TADA2A: variants seen among roughly 807,000 people sequenced by gnomAD.
TADA2A encodes transcriptional adaptor 2A.
In TADA2A, 38 loss-of-function variants were observed where a neutral mutation model predicts 67.4. That is an observed-to-expected ratio of 0.56 (90% confidence interval 0.44 to 0.74). The LOEUF is 0.74. TADA2A is among the 30% of genes least tolerant of loss of function. The pLI is 0.00. For missense variants in TADA2A, 454 were observed against 547.0 expected (o/e 0.83, Z 1.70); for synonymous variants, 192 against 181.6 (o/e 1.06, Z -0.46).
At chr17:37,415,901 A>C (rs989571669) in intron 2 of TADA2A, among the ~76,000 whole-genome samples, 2 of 149,620 alleles carry the variant, frequency 1.3e-5, no homozygotes, top group African/African-American at 4.9e-5. Context: ...AAGTGTCTAT[A>C]TTCCCACAGC....
At chr17:37,429,285 A>AG (rs1434989144) in intron 4 of TADA2A, among the ~76,000 whole-genome samples, 1 of 152,090 alleles carries the variant, frequency 6.6e-6, no homozygotes, top group Non-Finnish European at 1.5e-5. Context: ...TGGGCCTATC[A>AG]GGGTAATCCA....
At chr17:37,415,144 A>T (rs922006249) in intron 2 of TADA2A, among the ~76,000 whole-genome samples, 2 of 152,118 alleles carry the variant, frequency 1.3e-5, no homozygotes, top group Non-Finnish European at 1.5e-5. Context: ...GGCCTCCCAA[A>T]GTACTGGGAT....
At chr17:37,459,014 G>A (rs572611284) in intron 9 of TADA2A, among the ~76,000 whole-genome samples, 2 of 152,050 alleles carry the variant, frequency 1.3e-5, no homozygotes, top group Non-Finnish European at 2.9e-5. Flanking sequence ...GTCCATGAGA[G>A]AATGCTCCAC....
At chr17:37,450,119 C>T (rs762769450) in intron 8 of TADA2A, among the ~76,000 whole-genome samples, 2 of 152,172 alleles carry the variant, frequency 1.3e-5, no homozygotes, top group African/African-American at 2.4e-5. Flanking sequence ...AAAAAGTTTA[C>T]GAATTTGTAT....
At chr17:37,439,038 A>G (rs934644229) in intron 5 of TADA2A, among the ~76,000 whole-genome samples, 1 of 152,172 alleles carries the variant, frequency 6.6e-6, no homozygotes, top group African/African-American at 2.4e-5. Context: ...GTCAAGTGAA[A>G]TGCTGTGAAA....
intron 5 of TADA2A, among the ~76,000 whole-genome samples, chr17:37,438,918 C>G (rs2052813492): frequency 6.6e-6 from 1 of 152,136 alleles, no homozygotes; most frequent in African/African-American, 2.4e-5. Context: ...TGGGCTAGAG[C>G]TAAGAATTAT....
Position 37,419,086 on chromosome 17 carries a change from T to G in TADA2A, c.26-4423T>G, listed in dbSNP as rs1000291215. Among the ~76,000 whole-genome samples the G allele has an allele frequency of 8.9e-5, 13 of 146,636 alleles. 2 individuals are homozygous for G. The highest frequency in any genetic ancestry group is 2.8e-4 in the Admixed American group (4 of 14,490). ...ATATAGAAGAAAGGTTGGAAAAATA[T>G]TTTTCAAAATGCTAATTGTGGATGA... On this transcript the variant is annotated intron_variant, in intron 2 of 15. Transcript: ENST00000615182.
chr17:37,454,407 G>C (rs1394375015), intron 8 of TADA2A: 1 of 149,784 alleles, frequency 6.7e-6, no homozygotes, highest in Non-Finnish European at 1.5e-5. Flanking sequence ...GCAATTCTCT[G>C]CCTCAGCCTC....
intron 9 of TADA2A, among the ~76,000 whole-genome samples, chr17:37,459,963 G>T (rs1440446627): frequency 1.3e-5 from 2 of 151,694 alleles, no homozygotes; most frequent in Non-Finnish European, 2.9e-5. Flanking sequence ...CTACTCGGGA[G>T]GCTGAGGCAG....
intron 2 of TADA2A, 113 bp downstream of exon 2, chr17:37,411,503 A>G: frequency 1.0e-6 from 1 of 1,002,314 alleles, no homozygotes; most frequent in Admixed American, 1.9e-5. Context: ...GCTCACTGCA[A>G]CTTCTGCCTC....
intron 14 of TADA2A, among the ~76,000 whole-genome samples, chr17:37,472,966 T>TTTTC (rs1184760129): frequency 3.9e-5 from 6 of 152,024 alleles, no homozygotes; most frequent in Non-Finnish European, 1.5e-5. Flanking sequence ...ATTGTTTCTT[T>TTTTC]TTTCTTTTTT....
At chr17:37,423,042 C>T (rs1395289856) in intron 2 of TADA2A, among the ~76,000 whole-genome samples, 1 of 152,038 alleles carries the variant, frequency 6.6e-6, no homozygotes, top group Non-Finnish European at 1.5e-5. Context: ...AGTTCAAGAC[C>T]AGCCTGGGCA....
At position 37,423,591 on chromosome 17, in the gene TADA2A, ACCT is replaced by A. The variant is rs1457216451; in HGVS notation, c.112_114del (p.Pro38del). The A allele has an allele frequency of 6.2e-7, 1 of 1,611,978 alleles. No individual in the cohort carries two copies. Among genetic ancestry groups the A allele is most frequent in the Non-Finnish European group, 8.5e-7 (1 of 1,179,600 alleles). ...ATATCAAGTGTGCTGAATGTGGGCCACCTCCTTTTTTCCTCTGCTTGCAGGTAA... is the reference window on the plus strand; with the variant it reads ...ATATCAAGTGTGCTGAATGTGGGCCACCTTTTTTCCTCTGCTTGCAGGTAA... On this transcript the variant is annotated inframe_deletion, in exon 3 of 16. Coordinates refer to ENST00000615182, the MANE Select transcript of TADA2A (RefSeq NM_001166105.3).
At chr17:37,454,908 T>G in intron 8 of TADA2A, 1 of 219,882 alleles carries the variant, frequency 4.5e-6, no homozygotes. Context: ...CCTGTGAAAG[T>G]GTCAGCTCCC....
chr17:37,462,126 G>A lies in TADA2A; in HGVS notation c.712+5G>A. 1.3e-6 allele frequency: 2 copies of A among 1,527,872 alleles called. No homozygotes were observed. Among genetic ancestry groups the A allele is most frequent in the Non-Finnish European group, 1.8e-6 (2 of 1,117,606 alleles). 94.6% of individuals were successfully genotyped at this position (1,527,872 alleles called of 1,614,324 possible). On this transcript the variant is annotated splice_donor_5th_base_variant and intron_variant, in intron 10 of 15. Coordinates refer to ENST00000615182, the MANE Select transcript of TADA2A (RefSeq NM_001166105.3). ...TCAACCTTAGAAAGTTTCAATGTAA[G>A]TATTAGCAGTTTTCTTTATTTTACA...
chr17:37,465,575 G>C (rs943977622), intron 11 of TADA2A, 34 bp downstream of exon 11: 1 of 1,613,288 alleles, frequency 6.2e-7, no homozygotes, highest in East Asian at 2.2e-5. Flanking sequence ...CAGTATTTGT[G>C]TGTGTATATT....
Position 37,437,904 on chromosome 17 carries a change from G to A in TADA2A, c.284+75G>A, listed in dbSNP as rs1020004909. 1.5e-5 allele frequency: 20 copies of A among 1,357,488 alleles called. No homozygotes were observed. The Admixed American group carries it at 3.0e-4, about 21-fold the overall frequency. The allele number at this position is 1,357,488 out of a possible 1,614,324, so 84.1% of individuals were successfully genotyped here. ...AAGCTGTTGTTGAAGAGTAAAGGAA[G>A]GAACCTCAGGAAGAGAAAGTATGTG... On this transcript the variant is annotated intron_variant, in intron 5 of 15. Coordinates refer to ENST00000615182, the MANE Select transcript of TADA2A (RefSeq NM_001166105.3).
intron 1 of TADA2A, chr17:37,408,538 A>C (rs1024543416): frequency 6.6e-6 from 1 of 152,338 alleles, no homozygotes; most frequent in Non-Finnish European, 1.5e-5. Context: ...GGCGTGAGCC[A>C]CTGCGTCCAG....
At chr17:37,463,944 C>A (rs1056356116) in intron 10 of TADA2A, among the ~76,000 whole-genome samples, 19 of 151,674 alleles carry the variant, frequency 1.3e-4, no homozygotes, top group Admixed American at 1.2e-3. Flanking sequence ...CACAGCGAGA[C>A]TCCGTCTCAA....
Sources: allele counts gnomAD v4.1 joint callset (sites outside exome capture counted in the v4.1 genomes callset), GRCh38; gene constraint gnomAD v4.1.1; transcripts MANE v1.5; gene names NCBI Gene and HGNC (gene_info 2026-07-23, HGNC 2026-07-21).